Variants in FAF1 observed in about 807,000 individuals in gnomAD.
The protein encoded by FAF1 is FAS-associated factor 1.
In FAF1, 25 loss-of-function variants were observed where a neutral mutation model predicts 92.5. That is an observed-to-expected ratio of 0.27 (90% CI 0.20 to 0.38). The LOEUF is 0.38. Ranked by LOEUF, FAF1 falls within the 10% of genes least tolerant of loss-of-function variation. The pLI is 1.00. For missense variants in FAF1, 636 were observed against 793.3 expected (o/e 0.80, Z 2.38); for synonymous variants, 234 against 273.2 (o/e 0.86, Z 1.42).
chr1:50,846,803 TA>T, intron 2 of FAF1: 1 of 671,878 alleles, frequency 1.5e-6, no homozygotes. Flanking sequence ...CAATCCCACT[TA>T]AAGGAAAATT....
chr1:50,561,848 C>CGGATGGACGGAA (rs1553227084), intron 13 of FAF1, among the ~76,000 whole-genome samples: 1 of 128,550 alleles, frequency 7.8e-6, no homozygotes, highest in Non-Finnish European at 1.6e-5. Context: ...GACGGATGGA[C>CGGATGGACGGAA]GGAAGGAAGG....
At chr1:50,620,255 A>G (rs1355648787) in intron 8 of FAF1, among the ~76,000 whole-genome samples, 1 of 152,042 alleles carries the variant, frequency 6.6e-6, no homozygotes, top group Non-Finnish European at 1.5e-5. Context: ...GGTTTTGTTC[A>G]TTGTTTTAAA....
intron 18 of FAF1, among the ~76,000 whole-genome samples, chr1:50,456,026 G>A (rs754735726): frequency 6.6e-6 from 1 of 152,084 alleles, no homozygotes; most frequent in South Asian, 2.1e-4. Context: ...AGTGAGCTGA[G>A]ATGGCACCAC....
chr1:50,760,601 G>A (rs1436111553), intron 4 of FAF1, among the ~76,000 whole-genome samples: 5 of 152,076 alleles, frequency 3.3e-5, no homozygotes, highest in African/African-American at 4.8e-5. Flanking sequence ...GGTACCTAAC[G>A]AAATGAAGGC....
chr1:50,570,209 T>TA (rs1309916088), intron 12 of FAF1, among the ~76,000 whole-genome samples: 2 of 152,124 alleles, frequency 1.3e-5, no homozygotes, highest in African/African-American at 4.8e-5. Context: ...CTAGGAAGAT[T>TA]AAACATCCAT....
chr1:50,829,217 T>C (rs1257454372), intron 2 of FAF1, among the ~76,000 whole-genome samples: 3 of 151,978 alleles, frequency 2.0e-5, no homozygotes, highest in Non-Finnish European at 2.9e-5. Context: ...AAAGCAGTAA[T>C]GTGATATAAT....
chr1:50,482,600 G>A (rs1272444759), intron 17 of FAF1, among the ~76,000 whole-genome samples: 1 of 152,216 alleles, frequency 6.6e-6, no homozygotes, highest in Non-Finnish European at 1.5e-5. Context: ...CAAAGTGGAT[G>A]TGGATGTACT....
intron 2 of FAF1, among the ~76,000 whole-genome samples, chr1:50,809,738 A>G (rs1662348622): frequency 6.6e-6 from 1 of 152,232 alleles, no homozygotes; most frequent in Non-Finnish European, 1.5e-5. Flanking sequence ...CCAAATATTT[A>G]AGAAAGAAAG....
chr1:50,691,616 A>G (rs1656927693), intron 7 of FAF1, among the ~76,000 whole-genome samples: 1 of 149,286 alleles, frequency 6.7e-6, no homozygotes, highest in Non-Finnish European at 1.5e-5. Context: ...TTTGAGACAG[A>G]GTTTCTCTCT....
rs59066916 is a variant in FAF1, at chr1:50,556,856, T to TAAAATAAAATAAA, written c.1268+10220_1268+10221insTTTATTTTATTTT. Among the ~76,000 whole-genome samples the TAAAATAAAATAAA allele has an allele frequency of 5.5e-3, 838 of 151,262 alleles. 4 individuals are homozygous for TAAAATAAAATAAA. The highest frequency in any genetic ancestry group is 0.019 in the African/African-American group (789 of 41,282). ...CTGTCTCAAACATAAAATAAAATAA[T>TAAAATAAAATAAA]ATAAAATAAAATAAAATAAAATAAA... On this transcript the variant is annotated intron_variant, in intron 13 of 18. Coordinates refer to ENST00000396153, the MANE Select transcript of FAF1 (RefSeq NM_007051.3).
At chr1:50,809,656 G>C (rs188115474) in intron 2 of FAF1, among the ~76,000 whole-genome samples, 4 of 152,158 alleles carry the variant, frequency 2.6e-5, no homozygotes, top group Non-Finnish European at 4.4e-5. Flanking sequence ...GCCAGGACCA[G>C]ACACAGTCAT....
chr1:50,780,172 T>C (rs1661117918), intron 4 of FAF1, among the ~76,000 whole-genome samples: 1 of 152,122 alleles, frequency 6.6e-6, no homozygotes. Flanking sequence ...TGAATGGATA[T>C]AAAAACAAGA....
chr1:50,863,320 T>A (rs1401293941), intron 1 of FAF1, among the ~76,000 whole-genome samples: 2 of 151,760 alleles, frequency 1.3e-5, no homozygotes, highest in Non-Finnish European at 2.9e-5. Context: ...AACTTAACAA[T>A]AATAATGGCA....
chr1:50,791,770 T>C (rs1193809949), intron 3 of FAF1, among the ~76,000 whole-genome samples: 1 of 152,204 alleles, frequency 6.6e-6, no homozygotes, highest in Non-Finnish European at 1.5e-5. Context: ...ATGTTACCAC[T>C]TTTTGCTCTT....
Position 50,588,597 on chromosome 1 carries a change from G to GGT in FAF1, c.841-3788_841-3787dup, listed in dbSNP as rs3838294. Among the ~76,000 whole-genome samples the GGT allele has an allele frequency of 1.6e-3, 248 of 152,042 alleles. 2 individuals carry two copies. The East Asian group carries it at 0.038, about 23-fold the overall frequency. On this transcript the variant is annotated intron_variant, in intron 9 of 18. Coordinates refer to ENST00000396153, the MANE Select transcript of FAF1 (RefSeq NM_007051.3). ...GGTCTAAGGGCACAAGATACCAAGT[G>GGT]GTGTGTGTGTGTGGTGACTTGAGGT...
intron 8 of FAF1, among the ~76,000 whole-genome samples, chr1:50,637,693 G>GTGTGTGTGT (rs1654114420): frequency 6.7e-6 from 1 of 150,230 alleles, no homozygotes; most frequent in Non-Finnish European, 1.5e-5. Context: ...GTGTGTGTGT[G>GTGTGTGTGT]TGTGTGTGTG....
At chr1:50,581,647 TGGGAAGTGCTAAAG>T (rs1650990353) in intron 12 of FAF1, among the ~76,000 whole-genome samples, 1 of 152,052 alleles carries the variant, frequency 6.6e-6, no homozygotes, top group Non-Finnish European at 1.5e-5. Flanking sequence ...GGTTTTTCAC[TGGGAAGTGCTAAAG>T]GGGTAGGTGC....
In FAF1 at chr1:50,877,171, G is replaced by A. The variant is rs138544025; in HGVS notation, c.46-19174C>T. On this transcript the variant is annotated intron_variant, in intron 1 of 18. Transcript: ENST00000396153. The stretch of plus-strand genomic sequence containing the variant: ...GGAGAAAGAGTACCTTTACAGTGGA[G>A]AAACCTAACAACGCTCAGTCAGGTG... 8.5e-5 allele frequency among the ~76,000 whole-genome samples: 13 copies of A among 152,292 alleles called. No individual in the cohort carries two copies. The East Asian group carries it at 2.5e-3, about 29-fold the overall frequency.
At chr1:50,605,046 T>C (rs1223546968) in intron 8 of FAF1, among the ~76,000 whole-genome samples, 5 of 152,208 alleles carry the variant, frequency 3.3e-5, no homozygotes, top group Non-Finnish European at 7.3e-5. Flanking sequence ...TACCCACTTT[T>C]ATGCTTCCTT....
Sources: gnomAD v4.1 joint callset for allele counts (sites outside exome capture counted in the v4.1 genomes callset) on GRCh38, gnomAD v4.1.1 for gene constraint, MANE v1.5 for transcripts, NCBI Gene and HGNC (gene_info 2026-07-23, HGNC 2026-07-21) for gene names.